Variants in DCC observed in about 807,000 individuals in gnomAD.
The protein encoded by DCC is DCC netrin 1 receptor.
DCC carries 58 observed loss-of-function variants against 172.5 expected under a neutral mutation model. The ratio of observed to expected loss-of-function variants is 0.34; its 90% CI spans 0.27 to 0.42. DCC has a LOEUF of 0.42. Ranked by LOEUF, DCC falls within the 10% of genes least tolerant of loss-of-function variation. The pLI, the probability that DCC is intolerant of heterozygous loss-of-function variation, is 1.00. For missense variants in DCC, 1,740 were observed against 1,791.0 expected, an observed-to-expected ratio of 0.97 and a Z score of 0.51; for synonymous variants, 709 against 644.5, an observed-to-expected ratio of 1.10 and a Z score of -1.52.
chr18:53,478,862 T>C (rs1228685677), intron 25 of DCC, among the ~76,000 whole-genome samples: 4 of 152,210 alleles, frequency 2.6e-5, no homozygotes, highest in African/African-American at 9.7e-5. Context: ...GGTGCTGTCC[T>C]ACCAGGAGGC....
At chr18:53,089,200 C>T (rs898971682) in intron 7 of DCC, among the ~76,000 whole-genome samples, 11 of 152,216 alleles carry the variant, frequency 7.2e-5, no homozygotes, top group Middle Eastern at 3.4e-3. Context: ...ATTCTCCTGC[C>T]TCAGCCTACC....
chr18:52,414,322 G>T (rs948727583), intron 1 of DCC, among the ~76,000 whole-genome samples: 1 of 152,078 alleles, frequency 6.6e-6, no homozygotes, highest in African/African-American at 2.4e-5. Flanking sequence ...GACCTCAGGT[G>T]ATCCACCCAC....
At chr18:53,060,324 G>C (rs1038813682) in intron 5 of DCC, among the ~76,000 whole-genome samples, 4 of 152,020 alleles carry the variant, frequency 2.6e-5, no homozygotes, top group Admixed American at 2.6e-4. Flanking sequence ...TACCTGGTTA[G>C]ACTTAGACTC....
intron 7 of DCC, among the ~76,000 whole-genome samples, chr18:53,135,451 T>C (rs1028600306): frequency 3.9e-5 from 6 of 152,146 alleles, no homozygotes; most frequent in Non-Finnish European, 7.3e-5. Flanking sequence ...TAAAATTTGA[T>C]ATTTTGATTT....
chr18:52,822,559 A>G (rs965769569), intron 2 of DCC, among the ~76,000 whole-genome samples: 59 of 152,346 alleles, frequency 3.9e-4, no homozygotes, highest in African/African-American at 1.4e-3. Flanking sequence ...GCCAAATTCC[A>G]ATTCTGCGTT....
chr18:53,177,634 C>T lies in DCC; in HGVS notation c.1419-1328C>T, dbSNP rs113784961. On this transcript the variant is annotated intron_variant, in intron 8 of 28. Coordinates refer to ENST00000442544, the MANE Select transcript of DCC (RefSeq NM_005215.4). Reference sequence around the variant, plus strand: ...CTTCTAAGGTCATCATGCTTCCCTACCTCAAGACAACAGGTGGAAGAAGAG... The same window carrying T: ...CTTCTAAGGTCATCATGCTTCCCTATCTCAAGACAACAGGTGGAAGAAGAG... Among the ~76,000 whole-genome samples, 3 of 152,282 alleles carry T rather than the reference C, an allele frequency of 2.0e-5. 1 individual carries two copies. Among genetic ancestry groups the T allele is most frequent in the African/African-American group, 7.2e-5 (3 of 41,562 alleles).
In DCC at chr18:53,212,497, T is replaced by C. The variant is rs943089397; in HGVS notation, c.1862-3051T>C. ...AGTAGGAACTGATCACTAAAAATACTGTAGAAAAAATTCTCTACTCTCCTC... is the reference window on the plus strand; with the variant it reads ...AGTAGGAACTGATCACTAAAAATACCGTAGAAAAAATTCTCTACTCTCCTC... On this transcript the variant is annotated intron_variant, in intron 11 of 28. Transcript: ENST00000442544. Among the ~76,000 whole-genome samples, 6 of 152,270 alleles carry C rather than the reference T, an allele frequency of 3.9e-5. No individual in the cohort carries two copies. The South Asian group carries it at 1.0e-3, about 26-fold the overall frequency.
chr18:52,783,585 G>A (rs1465626306), intron 2 of DCC, among the ~76,000 whole-genome samples: 2 of 151,640 alleles, frequency 1.3e-5, no homozygotes, highest in African/African-American at 2.4e-5. Flanking sequence ...TACAGTCCTT[G>A]TTCTCAAGCA....
chr18:52,595,249 G>A (rs1238971660), intron 1 of DCC, among the ~76,000 whole-genome samples: 1 of 151,874 alleles, frequency 6.6e-6, no homozygotes, highest in Non-Finnish European at 1.5e-5. Flanking sequence ...ATCTTTCCAG[G>A]CCTTTTTTTA....
chr18:53,029,413 A>C (rs1383612620), intron 5 of DCC, among the ~76,000 whole-genome samples: 1 of 152,188 alleles, frequency 6.6e-6, no homozygotes, highest in Non-Finnish European at 1.5e-5. Context: ...ATCATATGTA[A>C]GTTATTCTGC....
At chr18:52,513,680 G>C (rs184532024) in intron 1 of DCC, among the ~76,000 whole-genome samples, 22 of 152,090 alleles carry the variant, frequency 1.4e-4, no homozygotes, top group Admixed American at 1.4e-3. Flanking sequence ...CTAAAACTAG[G>C]TCCCTTTCCT....
intron 5 of DCC, among the ~76,000 whole-genome samples, chr18:53,051,639 G>C (rs1017476354): frequency 6.6e-6 from 1 of 151,970 alleles, no homozygotes; most frequent in Admixed American, 6.6e-5. Context: ...ATATTCTTGG[G>C]TAACATTACT....
chr18:53,023,595 C>T (rs970337606), intron 5 of DCC, among the ~76,000 whole-genome samples: 2 of 151,818 alleles, frequency 1.3e-5, no homozygotes, highest in African/African-American at 4.8e-5. Flanking sequence ...GGAGGAAAAA[C>T]AAAATCTGGA....
At chr18:52,981,486 GGGAT>G (rs1325637285) in intron 5 of DCC, among the ~76,000 whole-genome samples, 9 of 151,920 alleles carry the variant, frequency 5.9e-5, no homozygotes, top group Non-Finnish European at 1.0e-4. Flanking sequence ...CTTTACCTAA[GGGAT>G]TGGCAGGCCT....
chr18:52,479,584 C>CCG (rs201180001), intron 1 of DCC, among the ~76,000 whole-genome samples: 7,715 of 148,464 alleles, frequency 0.052, 250 homozygotes, highest in South Asian at 0.11. Flanking sequence ...CCCTCCACCC[C>CCG]CCCCCCGTCT....
At chr18:52,827,735 A>C (rs1206467795) in intron 2 of DCC, among the ~76,000 whole-genome samples, 2 of 152,188 alleles carry the variant, frequency 1.3e-5, no homozygotes, top group Non-Finnish European at 2.9e-5. Flanking sequence ...CTCTAGAAAA[A>C]TATTTCTAGT....
chr18:52,534,912 G>A (rs1465943), intron 1 of DCC, among the ~76,000 whole-genome samples: 9,967 of 152,086 alleles, frequency 0.066, 719 homozygotes, highest in East Asian at 0.39. Context: ...TGTAACTTTT[G>A]TCCAACCTTA....
At position 53,292,121 on chromosome 18, in the gene DCC, C is replaced by G. The variant is rs199845335; in HGVS notation, c.1912-13457C>G. On this transcript the variant is annotated intron_variant, in intron 12 of 28. Coordinates refer to ENST00000442544, the MANE Select transcript of DCC (RefSeq NM_005215.4). ...TTTATTCTTTGAGCTCCACCCCCCC[C>G]CCCTTTTTTCCTGTAAGCTGGGCTA... 7.6e-4 allele frequency among the ~76,000 whole-genome samples: 116 copies of G among 151,822 alleles called. 1 individual carries two copies. The South Asian group carries it at 0.019, about 25-fold the overall frequency.
chr18:53,468,361 T>TATTTATTTATTTATTTA (rs2045650479), intron 25 of DCC, among the ~76,000 whole-genome samples: 1 of 27,686 alleles, frequency 3.6e-5, no homozygotes, highest in African/African-American at 1.4e-4. Flanking sequence ...TTTATTTATT[T>TATTTATTTATTTATTTA]ATTTTATTTA....
Sources: gnomAD v4.1 joint callset for allele counts (sites outside exome capture counted in the v4.1 genomes callset) on GRCh38, gnomAD v4.1.1 for gene constraint, MANE v1.5 for transcripts, NCBI Gene and HGNC (gene_info 2026-07-23, HGNC 2026-07-21) for gene names.